Variants in TCERG1 observed in about 807,000 individuals in gnomAD.
TCERG1 encodes transcription elongation regulator 1.
A neutral mutation model predicts 144.7 loss-of-function variants in TCERG1; 37 were observed. The ratio of observed to expected loss-of-function variants is 0.26; its 90% CI spans 0.20 to 0.34. The LOEUF (loss-of-function observed/expected upper bound fraction) is 0.34. Among genes scored for constraint, TCERG1 ranks in the 10% least tolerant of loss-of-function variants. TCERG1 has a pLI of 1.00. For missense variants in TCERG1, 1,027 were observed against 1,380.7 expected, an observed-to-expected ratio of 0.74 and a Z score of 4.06; for synonymous variants, 492 against 458.2, an observed-to-expected ratio of 1.07 and a Z score of -0.94.
chr5:146,457,181 A>G lies in TCERG1; in HGVS notation c.286-2A>G. Reference sequence around the variant, plus strand: ...ACCATTACTGTTTTTGTGAATTAACAGAGACCACCTTTCATGCCTCCTCCC... The same window carrying G: ...ACCATTACTGTTTTTGTGAATTAACGGAGACCACCTTTCATGCCTCCTCCC... On this transcript the variant is annotated splice_acceptor_variant, in intron 2 of 22. Transcript: ENST00000679501. LOFTEE classifies it high-confidence loss of function. 6.2e-7 allele frequency: 1 copy of G among 1,611,784 alleles called. No homozygotes were observed. The highest frequency in any genetic ancestry group is 8.5e-7 in the Non-Finnish European group (1 of 1,179,140).
intron 19 of TCERG1, among the ~76,000 whole-genome samples, chr5:146,505,337 T>A (rs1051333139): frequency 6.6e-6 from 1 of 152,206 alleles, no homozygotes; most frequent in East Asian, 1.9e-4. Flanking sequence ...TCAAATTTTG[T>A]CACTCCCCTG....
intron 5 of TCERG1, among the ~76,000 whole-genome samples, chr5:146,466,721 T>A (rs1383921169): frequency 6.6e-6 from 1 of 152,232 alleles, no homozygotes; most frequent in Non-Finnish European, 1.5e-5. Context: ...GACCTTTCTA[T>A]ATGGTCTGTA....
At chr5:146,472,548 A>G (rs113248984) in intron 9 of TCERG1, among the ~76,000 whole-genome samples, 2,256 of 152,242 alleles carry the variant, frequency 0.015, 27 homozygotes, top group Non-Finnish European at 0.021. Flanking sequence ...TGTGTGATCT[A>G]ACTGTTCCAC....
At chr5:146,447,457 G>A in intron 1 of TCERG1, 49 bp downstream of exon 1, 2 of 1,586,868 alleles carry the variant, frequency 1.3e-6, no homozygotes, top group Non-Finnish European at 1.7e-6. Flanking sequence ...GAGCCCCAGA[G>A]GCTAGACGCT....
Position 146,507,332 on chromosome 5 carries a change from A to T in TCERG1, c.2961+125A>T. On this transcript the variant is annotated intron_variant, in intron 20 of 22. Transcript: ENST00000679501. This position sits in a 1 kb window ranked among gnomAD's most constrained non-coding sequence, Gnocchi z 4.6. ...ATTCATTACTGGAATGCATCTTATGACAATTCTCTGATTTTAAAAAATTAT... is the reference window on the plus strand; with the variant it reads ...ATTCATTACTGGAATGCATCTTATGTCAATTCTCTGATTTTAAAAAATTAT... 1.1e-6 allele frequency: 1 copy of T among 884,342 alleles called. No homozygotes were observed. Among genetic ancestry groups the T allele is most frequent in the Non-Finnish European group, 1.6e-6 (1 of 612,924 alleles). 54.8% of individuals were successfully genotyped at this position (884,342 alleles called of 1,614,324 possible).
At chr5:146,447,510 A>G in intron 1 of TCERG1, 102 bp downstream of exon 1, 1 of 1,468,956 alleles carries the variant, frequency 6.8e-7, no homozygotes, top group Non-Finnish European at 9.2e-7. Flanking sequence ...TGGGTAGCGG[A>G]GCCGGGCGGC....
intron 19 of TCERG1, 79 bp downstream of exon 19, chr5:146,504,085 A>C: frequency 8.0e-7 from 1 of 1,253,364 alleles, no homozygotes. Context: ...TGAATATTTT[A>C]ATGTTCTTTA....
intron 5 of TCERG1, among the ~76,000 whole-genome samples, chr5:146,465,871 A>T (rs970768880): frequency 6.6e-6 from 1 of 152,214 alleles, no homozygotes; most frequent in South Asian, 2.1e-4. Context: ...TCTACTAAAA[A>T]TACAAAATTA....
At chr5:146,506,032 A>G (rs1377862798) in intron 19 of TCERG1, among the ~76,000 whole-genome samples, 2 of 152,040 alleles carry the variant, frequency 1.3e-5, no homozygotes, top group African/African-American at 4.8e-5. Context: ...CCACCTCCCA[A>G]AGGGCTGGGA....
chr5:146,485,839 C>T (rs1335625093), intron 15 of TCERG1, among the ~76,000 whole-genome samples: 1 of 152,124 alleles, frequency 6.6e-6, no homozygotes, highest in Non-Finnish European at 1.5e-5. Flanking sequence ...GGATTACAAG[C>T]GTGCACCACC....
rs530647398 is a variant in TCERG1, at chr5:146,472,948, C to T, written c.1601+1372C>T. ...CAGGATGGTCTCGATCTCCTGACCT[C>T]GTGATCCGCCCACCTTGGCCTCCCA... On this transcript the variant is annotated intron_variant, in intron 9 of 22. Transcript: ENST00000679501. Among the ~76,000 whole-genome samples, 97 of 152,156 alleles carry T rather than the reference C, an allele frequency of 6.4e-4. 1 individual carries two copies. The highest frequency in any genetic ancestry group is 2.3e-3 in the South Asian group (11 of 4,822).
intron 17 of TCERG1, among the ~76,000 whole-genome samples, chr5:146,502,740 T>C (rs1344710289): frequency 6.6e-6 from 1 of 152,220 alleles, no homozygotes; most frequent in Non-Finnish European, 1.5e-5. Flanking sequence ...TGCAATTTTT[T>C]AGTAATGATT....
chr5:146,510,661 A>AG lies in TCERG1; in HGVS notation c.*23dup. 1 of 1,601,620 alleles carries AG rather than the reference A, an allele frequency of 6.2e-7. No homozygotes were observed. Among genetic ancestry groups the AG allele is most frequent in the African/African-American group, 1.3e-5 (1 of 74,402 alleles). ...AAAATAATTCTAAATACTCTTCCAT[A>AG]GGGGCATCTATTCAAAATGCTTGCA... On this transcript the variant is annotated 3_prime_UTR_variant, in exon 23 of 23. Transcript: ENST00000679501.
At position 146,498,649 on chromosome 5, in the gene TCERG1, A is replaced by G. The variant is rs773045282; in HGVS notation, c.2396A>G (p.Lys799Arg). The stretch of plus-strand genomic sequence containing the variant: ...AATGAGTTTGTGGCCGCTGCTAGGA[A>G]GAAAGAGAAAGAAGATTCGAAGACC... ...LFNEFVAAAR[K>R]KEKEDSKTRG... Residue 799 changes from lysine (K) to arginine (R), a missense_variant, in exon 17 of 23, where the codon AAG becomes AGG. Transcript: ENST00000679501. The G allele has an allele frequency of 6.8e-6, 11 of 1,611,128 alleles. No individual in the cohort carries two copies. In the African/African-American group the frequency reaches 1.5e-4, roughly 22 times the overall value.
intron 9 of TCERG1, among the ~76,000 whole-genome samples, chr5:146,477,862 AT>A (rs1765000213): frequency 6.6e-6 from 1 of 151,616 alleles, no homozygotes; most frequent in Non-Finnish European, 1.5e-5. Context: ...CATCCAGCTA[AT>A]TTTTTTAATT....
chr5:146,466,020 C>CAAA (rs57028887), intron 5 of TCERG1, among the ~76,000 whole-genome samples: 1,650 of 82,010 alleles, frequency 0.02, 31 homozygotes, highest in African/African-American at 0.061. Context: ...AACTCTGTCT[C>CAAA]AAAAAAAAAA....
At chr5:146,471,350 C>G (rs1764277672) in intron 8 of TCERG1, 138 bp from the exon 9 acceptor site, 2 of 721,522 alleles carry the variant, frequency 2.8e-6, no homozygotes, top group Admixed American at 6.0e-5. Flanking sequence ...TTAGAACTTT[C>G]TTCCTACTCA....
At chr5:146,457,872 G>A (rs1361736536) in intron 3 of TCERG1, among the ~76,000 whole-genome samples, 3 of 152,186 alleles carry the variant, frequency 2.0e-5, no homozygotes, top group African/African-American at 7.2e-5. Context: ...TTTTTGAGAT[G>A]GAAGTTTCAC....
chr5:146,463,218 T>C (rs1763490281), intron 4 of TCERG1, among the ~76,000 whole-genome samples: 2 of 152,206 alleles, frequency 1.3e-5, no homozygotes, highest in Non-Finnish European at 2.9e-5. Context: ...TATTTTTTTC[T>C]TCTACCCCTT....
Sources: allele counts gnomAD v4.1 joint callset (sites outside exome capture counted in the v4.1 genomes callset), GRCh38; gene constraint gnomAD v4.1.1; non-coding constraint Gnocchi (gnomAD v3.1); transcripts MANE v1.5; gene names NCBI Gene and HGNC (gene_info 2026-07-23, HGNC 2026-07-21).